Variants in ITGB3BP observed in about 807,000 individuals in gnomAD.
ITGB3BP encodes the protein integrin subunit beta 3 binding protein.
In ITGB3BP, 27 loss-of-function variants were observed where a neutral mutation model predicts 29.1. The ratio of observed to expected loss-of-function variants is 0.93; its 90% confidence interval spans 0.68 to 1.28. The LOEUF (loss-of-function observed/expected upper bound fraction) is 1.28, where lower values mean the gene tolerates loss of function less well. Ranked by LOEUF, ITGB3BP falls within the 50% of genes most tolerant of loss-of-function variation. ITGB3BP has a pLI of 0.00. For missense variants in ITGB3BP, 192 were observed against 200.2 expected (o/e 0.96, Z 0.25); for synonymous variants, 61 against 61.4 (o/e 0.99, Z 0.03).
At chr1:63,466,928 C>T (rs1302028630) in intron 4 of ITGB3BP, among the ~76,000 whole-genome samples, 1 of 152,184 alleles carries the variant, frequency 6.6e-6, no homozygotes, top group Non-Finnish European at 1.5e-5. Context: ...ATTTATGGCC[C>T]TTCCAAGGCC....
chr1:63,508,761 T>C (rs1326820004), intron 1 of ITGB3BP, among the ~76,000 whole-genome samples, 191 bp from the exon 2 acceptor site: 2 of 152,114 alleles, frequency 1.3e-5, no homozygotes, highest in East Asian at 3.8e-4. Context: ...ATTGCATATC[T>C]CTAAATGGGA....
rs1414400857 is a variant in ITGB3BP at position 63,504,007 on chromosome 1, G to A, written c.48+4521C>T. Among the ~76,000 whole-genome samples the A allele has an allele frequency of 1.1e-4, 17 of 151,786 alleles. No individual in the cohort carries two copies. In the South Asian group the frequency reaches 3.3e-3, roughly 30 times the overall value. On this transcript the variant is annotated intron_variant, in intron 2 of 8. Transcript: ENST00000271002. ...ACTTGGCGATGCAGGCTCTTTTTTGGTTCCATATGAACTTTAAAGTAGTTT... is the reference window on the plus strand; with the variant it reads ...ACTTGGCGATGCAGGCTCTTTTTTGATTCCATATGAACTTTAAAGTAGTTT...
chr1:63,505,016 C>A (rs546276497), intron 2 of ITGB3BP, among the ~76,000 whole-genome samples: 2 of 152,270 alleles, frequency 1.3e-5, no homozygotes, highest in African/African-American at 4.8e-5. Flanking sequence ...CAGGATGATG[C>A]TGGGCTCATA....
At position 63,523,186 on chromosome 1, in the gene ITGB3BP, T is replaced by G. The variant is rs979803042; in HGVS notation, c.-53A>C. ...GCTGAATAAAACGAACCCAGCAACT[T>G]CCGAAAACAGAAAATCCGCCAAAGG... On this transcript the variant is annotated 5_prime_UTR_variant, in exon 1 of 9. Transcript: ENST00000271002. 3.7e-6 allele frequency: 6 copies of G among 1,612,206 alleles called. No individual in the cohort carries two copies. In the African/African-American group the frequency reaches 8.0e-5, roughly 22 times the overall value.
At chr1:63,484,617 C>T (rs752112253) in intron 3 of ITGB3BP, among the ~76,000 whole-genome samples, 6 of 152,028 alleles carry the variant, frequency 3.9e-5, no homozygotes, top group Non-Finnish European at 5.9e-5. Flanking sequence ...AGCTGTATGA[C>T]TGTAATTTTT....
upstream of ITGB3BP, chr1:63,523,544 G>A (rs966351985): frequency 7.6e-6 from 2 of 261,918 alleles, no homozygotes; most frequent in East Asian, 9.3e-5. Flanking sequence ...GGTGATTAGA[G>A]AAAGGCCGAG....
chr1:63,472,828 C>T (rs1645231014), intron 4 of ITGB3BP, among the ~76,000 whole-genome samples: 1 of 151,928 alleles, frequency 6.6e-6, no homozygotes, highest in Admixed American at 6.5e-5. Flanking sequence ...CTCGCTACAA[C>T]CTCCACCTCC....
At chr1:63,504,823 G>A (rs1209671279) in intron 2 of ITGB3BP, among the ~76,000 whole-genome samples, 1 of 152,126 alleles carries the variant, frequency 6.6e-6, no homozygotes, top group Non-Finnish European at 1.5e-5. Flanking sequence ...TTATTGATTT[G>A]CATATGTTGA....
At chr1:63,510,097 G>C (rs1178016185) in intron 1 of ITGB3BP, 1 of 632,160 alleles carries the variant, frequency 1.6e-6, no homozygotes, top group Non-Finnish European at 2.9e-6. Context: ...GGCTGAGGCA[G>C]GAGAATCGCT....
chr1:63,522,321 G>A (rs1646469491), intron 1 of ITGB3BP, among the ~76,000 whole-genome samples: 1 of 152,076 alleles, frequency 6.6e-6, no homozygotes, highest in African/African-American at 2.4e-5. Context: ...GTGTTACTTT[G>A]CATTTTACTT....
intron 4 of ITGB3BP, among the ~76,000 whole-genome samples, chr1:63,469,605 C>T (rs1338201575): frequency 3.3e-5 from 5 of 152,114 alleles, no homozygotes; most frequent in African/African-American, 7.2e-5. Flanking sequence ...GGATTACAGG[C>T]GTGACCCACC....
chr1:63,510,035 A>T, intron 1 of ITGB3BP: 2 of 552,022 alleles, frequency 3.6e-6, no homozygotes, highest in Non-Finnish European at 6.6e-6. Flanking sequence ...CTAAAAATAC[A>T]AAATATTAGC....
chr1:63,498,795 T>C (rs753346846), intron 2 of ITGB3BP, among the ~76,000 whole-genome samples: 1 of 151,424 alleles, frequency 6.6e-6, no homozygotes, highest in Non-Finnish European at 1.5e-5. Flanking sequence ...TCAACAAAAT[T>C]GGTAAATCTT....
chr1:63,462,241 C>A (rs951215620), intron 4 of ITGB3BP, among the ~76,000 whole-genome samples: 1 of 152,134 alleles, frequency 6.6e-6, no homozygotes, highest in Non-Finnish European at 1.5e-5. Context: ...TCAGATGCTA[C>A]TGCAATGGAC....
rs1026101930 is a variant in ITGB3BP, at chr1:63,446,847, T to C, written c.494A>G (p.His165Arg). 34 of 1,610,426 alleles carry C rather than the reference T, an allele frequency of 2.1e-5. No homozygotes were observed. In the Admixed American group the frequency reaches 2.7e-4, roughly 13 times the overall value. ...STGLPHKASR[H>R]LDSYEFLKAI... Reference sequence around the variant, plus strand: ...TTTAAGGAATTCATAGCTGTCAAGATGACGTGATGCTATATGAAAGAAGAA... The same window carrying C: ...TTTAAGGAATTCATAGCTGTCAAGACGACGTGATGCTATATGAAAGAAGAA... Residue 165 changes from histidine to arginine, a missense_variant, in exon 8 of 9, where the codon CAT becomes CGT. By Grantham distance (29) the His-to-Arg change is conservative. Coordinates refer to ENST00000271002, the MANE Select transcript of ITGB3BP (RefSeq NM_014288.5).
chr1:63,490,931 T>C (rs996920551), intron 2 of ITGB3BP, among the ~76,000 whole-genome samples: 1 of 152,216 alleles, frequency 6.6e-6, no homozygotes, highest in African/African-American at 2.4e-5. Context: ...ACGAATGACT[T>C]ACAAGGAACA....
chr1:63,493,088 A>ACGCGCGCGCGCGCG (rs66981141), intron 2 of ITGB3BP, among the ~76,000 whole-genome samples: 3 of 148,846 alleles, frequency 2.0e-5, no homozygotes, highest in East Asian at 2.0e-4. Context: ...ACACACACAC[A>ACGCGCGCGCGCGCG]CGCGCGCGCG....
intron 8 of ITGB3BP, among the ~76,000 whole-genome samples, chr1:63,444,826 T>G (rs1462517718): frequency 6.6e-6 from 1 of 152,046 alleles, no homozygotes; most frequent in African/African-American, 2.4e-5. Context: ...CAGTTTAGTA[T>G]CCTGGCCCTG....
intron 8 of ITGB3BP, among the ~76,000 whole-genome samples, chr1:63,441,384 T>C (rs1466366908): frequency 3.3e-5 from 5 of 152,046 alleles, no homozygotes; most frequent in Non-Finnish European, 7.4e-5. Flanking sequence ...ACTACAGGTG[T>C]GTGCCACCAC....
Sources: gnomAD v4.1 joint callset for allele counts (sites outside exome capture counted in the v4.1 genomes callset) on GRCh38, gnomAD v4.1.1 for gene constraint, MANE v1.5 for transcripts, NCBI Gene and HGNC (gene_info 2026-07-23, HGNC 2026-07-21) for gene names.